COL6A6: variants seen among roughly 807,000 people sequenced by gnomAD.
The protein encoded by COL6A6 is collagen alpha-6(VI) chain.
In COL6A6, 183 loss-of-function variants were observed where a neutral mutation model predicts 208.6. That is an observed-to-expected ratio of 0.88 (90% CI 0.78 to 0.99). The LOEUF (loss-of-function observed/expected upper bound fraction) is 0.99. Among genes scored for constraint, COL6A6 ranks in the 50% least tolerant of loss-of-function variants. The pLI is 0.00. For synonymous variants in COL6A6, 973 were observed against 1,011.8 expected (o/e 0.96, Z 0.73); for missense variants, 2,816 against 2,815.2 (o/e 1.00, Z -0.01).
intron 36 of COL6A6, among the ~76,000 whole-genome samples, chr3:130,668,366 T>C (rs1057479994): frequency 2.0e-5 from 3 of 152,016 alleles, no homozygotes; most frequent in African/African-American, 7.2e-5. Flanking sequence ...TAATCCCAGC[T>C]ACTCGGGAGG....
chr3:130,543,552 A>G (rs2062424075), intron 1 of COL6A6, among the ~76,000 whole-genome samples: 1 of 152,148 alleles, frequency 6.6e-6, no homozygotes, highest in Non-Finnish European at 1.5e-5. Flanking sequence ...AGAGTATACG[A>G]TATACATTGC....
rs531102788 is a variant in COL6A6 at position 130,586,601 on chromosome 3, T to C, written c.4066T>C (p.Tyr1356His). ...PYIEFGKGFE[Y>H]RTQLSIGMRE... ...TATTGAATTTGGGAAAGGATTTGAGTACAGGACACAGCTCTCTATTGGCAT... is the reference window on the plus strand; with the variant it reads ...TATTGAATTTGGGAAAGGATTTGAGCACAGGACACAGCTCTCTATTGGCAT... Residue 1356 changes from tyrosine to histidine, a missense_variant, in exon 11 of 37, where the codon TAC becomes CAC. Transcript: ENST00000358511. 1 of 1,613,938 alleles carries C rather than the reference T, an allele frequency of 6.2e-7. No individual in the cohort carries two copies. The highest frequency in any genetic ancestry group is 1.3e-5 in the African/African-American group (1 of 75,040).
Position 130,568,212 on chromosome 3 carries a change from A to G in COL6A6, c.2009A>G (p.Asn670Ser). Residue 670 changes from asparagine (N) to serine (S), a missense_variant, in exon 6 of 37, where the codon AAT (asparagine) becomes AGT (serine). Physicochemically the swap from Asn to Ser is conservative, Grantham distance 46 (BLOSUM62 1). Transcript: ENST00000358511. ...GGTGTAGTCCAGTTCAGCGACATCA[A>G]TAAGGAAGAGTTTCAGCTCAACAGA... ...QIGVVQFSDI[N>S]KEEFQLNRFM... is the part of the protein sequence containing the mutation. 4.3e-6 allele frequency: 7 copies of G among 1,613,998 alleles called. No individual in the cohort carries two copies. The highest frequency in any genetic ancestry group is 4.2e-6 in the Non-Finnish European group (5 of 1,179,902).
chr3:130,599,834 G>T (rs993593119), intron 20 of COL6A6, 24 bp downstream of exon 20: 1 of 1,612,494 alleles, frequency 6.2e-7, no homozygotes, highest in South Asian at 1.1e-5. Context: ...TAGACAAGGA[G>T]ACCCACTGTT....
In COL6A6 at chr3:130,566,765, C is replaced by T. The variant is rs1334152715; in HGVS notation, c.1346C>T (p.Ala449Val). Residue 449 changes from alanine to valine, a missense_variant, in exon 5 of 37, where the codon GCC (alanine) becomes GTC (valine). Ala to Val is a moderately conservative substitution (Grantham distance 64). Transcript: ENST00000358511. ...LLIDGSGSTQATDFHEMKTFL... is the reference protein window; with the variant it reads ...LLIDGSGSTQVTDFHEMKTFL... ...ATCGATGGCTCAGGGAGCACCCAGGCCACAGATTTCCATGAAATGAAGACG... is the reference window on the plus strand; with the variant it reads ...ATCGATGGCTCAGGGAGCACCCAGGTCACAGATTTCCATGAAATGAAGACG... The T allele has an allele frequency of 6.2e-7, 1 of 1,613,824 alleles. No individual in the cohort carries two copies. Among genetic ancestry groups the T allele is most frequent in the African/African-American group, 1.3e-5 (1 of 74,900 alleles).
At chr3:130,656,410 C>G (rs1453333601) in intron 33 of COL6A6, among the ~76,000 whole-genome samples, 2 of 150,364 alleles carry the variant, frequency 1.3e-5, no homozygotes, top group Non-Finnish European at 2.9e-5. Context: ...GTGTCTGGCT[C>G]TCAGCAGAGA....
intron 20 of COL6A6, among the ~76,000 whole-genome samples, chr3:130,604,604 C>T (rs2064129495): frequency 6.6e-6 from 1 of 152,114 alleles, no homozygotes; most frequent in African/African-American, 2.4e-5. Flanking sequence ...TCTTTCTCAT[C>T]CATTAGGCTT....
intron 6 of COL6A6, among the ~76,000 whole-genome samples, chr3:130,570,076 T>G (rs75290893): frequency 1.3e-5 from 2 of 152,174 alleles, no homozygotes; most frequent in Non-Finnish European, 2.9e-5. Context: ...CCAGAATGGA[T>G]GAGTTAGTTT....
rs2063162962 is a variant in COL6A6, at chr3:130,571,356, A to G, written c.2940A>G (p.Ser980=). 1 of 1,597,968 alleles carries G rather than the reference A, an allele frequency of 6.3e-7. No homozygotes were observed. The highest frequency in any genetic ancestry group is 8.5e-7 in the Non-Finnish European group (1 of 1,173,900). Residue 980 remains serine (S), a synonymous_variant, in exon 7 of 37, where the codon TCA becomes TCG. Transcript: ENST00000358511. ...TTGGAGGTCTGAAGGGAATATTTTC[A>G]GATGTGACAGCCAGTGTCTGCAACT... ...ETFGGLKGIF[S]DVTASVCNSS...
At chr3:130,590,318 T>TTTTTTTTG (rs2063671873) in intron 12 of COL6A6, among the ~76,000 whole-genome samples, 1 of 99,894 alleles carries the variant, frequency 1.0e-5, no homozygotes, top group Non-Finnish European at 2.0e-5. Context: ...TTTTTTTTTT[T>TTTTTTTTG]TTTTTTTTTT....
rs1389804149 is a variant in COL6A6, at chr3:130,644,995, C to CA, written c.5233dup (p.Arg1745LysfsTer26). On this transcript the variant is annotated frameshift_variant, in exon 32 of 37. Transcript: ENST00000358511. LOFTEE classifies it high-confidence loss of function. The stretch of plus-strand genomic sequence containing the variant: ...TCCTTTGTTCTTCTTCCCCAGCTGG[C>CA]AGGCATGGTGAGTAATCTTTATTTA... 6 of 1,611,980 alleles carry CA rather than the reference C, an allele frequency of 3.7e-6. No individual in the cohort carries two copies. The highest frequency in any genetic ancestry group is 5.1e-6 in the Non-Finnish European group (6 of 1,178,140).
In COL6A6 at chr3:130,577,545, A is replaced by G. The variant is rs117618995; in HGVS notation, c.3547+3020A>G. Among the ~76,000 whole-genome samples, 118 of 152,338 alleles carry G rather than the reference A, an allele frequency of 7.7e-4. No individual in the cohort carries two copies. In the East Asian group the frequency reaches 0.015, roughly 19 times the overall value. On this transcript the variant is annotated intron_variant, in intron 8 of 36. Transcript: ENST00000358511. ...ACTTCCTGCTGTCACTTCCAATAAC[A>G]TAACCTAGTAGTAGAACTAGCAACC...
intron 10 of COL6A6, among the ~76,000 whole-genome samples, chr3:130,583,216 G>A (rs1023578716): frequency 5.9e-5 from 9 of 152,118 alleles, no homozygotes; most frequent in African/African-American, 1.7e-4. Context: ...AATTATCTGA[G>A]TTTACTACTA....
At chr3:130,550,303 C>A (rs142932111) in intron 1 of COL6A6, among the ~76,000 whole-genome samples, 1 of 152,288 alleles carries the variant, frequency 6.6e-6, no homozygotes, top group East Asian at 1.9e-4. Flanking sequence ...ATTTCTTTCT[C>A]TTGCCTGGTT....
intron 28 of COL6A6, among the ~76,000 whole-genome samples, chr3:130,638,163 C>T (rs1412843221): frequency 6.6e-6 from 1 of 151,964 alleles, no homozygotes; most frequent in African/African-American, 2.4e-5. Context: ...TTCACCCCCT[C>T]ACTCACTCCC....
intron 4 of COL6A6, among the ~76,000 whole-genome samples, 179 bp from the exon 5 acceptor site, chr3:130,566,523 G>C: frequency 6.6e-6 from 1 of 152,178 alleles, no homozygotes. Flanking sequence ...TGTCAGAAGC[G>C]ATTCATTTGG....
intron 1 of COL6A6, among the ~76,000 whole-genome samples, chr3:130,542,086 T>C (rs2062377101): frequency 6.6e-6 from 1 of 151,754 alleles, no homozygotes; most frequent in Non-Finnish European, 1.5e-5. Flanking sequence ...ATCAATTTTA[T>C]TGTTTTTTTT....
chr3:130,539,905 T>G (rs1417448223), intron 1 of COL6A6, among the ~76,000 whole-genome samples: 1 of 152,222 alleles, frequency 6.6e-6, no homozygotes, highest in Non-Finnish European at 1.5e-5. Flanking sequence ...TCTAAAAATT[T>G]TGAGTTTTTT....
chr3:130,580,055 G>A (rs1471607836), intron 8 of COL6A6, among the ~76,000 whole-genome samples: 1 of 152,088 alleles, frequency 6.6e-6, no homozygotes, highest in Non-Finnish European at 1.5e-5. Flanking sequence ...CAGTTCCCAA[G>A]GTCACTTGAT....
Sources: allele counts gnomAD v4.1 joint callset (sites outside exome capture counted in the v4.1 genomes callset), GRCh38; gene constraint gnomAD v4.1.1; transcripts MANE v1.5; gene names NCBI Gene and HGNC (gene_info 2026-07-23, HGNC 2026-07-21).